MTERF4: variants seen among roughly 807,000 people sequenced by gnomAD.
MTERF4 encodes mitochondrial transcription termination factor 4, also known as transcription termination factor 4, mitochondrial.
Under a neutral mutation model 22.5 loss-of-function variants are expected in MTERF4, and 17 were observed. The observed-to-expected ratio is 0.75, with a 90% CI of 0.52 to 1.13. The LOEUF (loss-of-function observed/expected upper bound fraction) is 1.13, where lower values mean the gene tolerates loss of function less well. Among genes scored for constraint, MTERF4 ranks in the 50% most tolerant of loss-of-function variants. MTERF4 has a pLI of 0.00. For synonymous variants in MTERF4, 165 were observed against 175.3 expected (o/e 0.94, Z 0.47); for missense variants, 420 against 466.8 (o/e 0.90, Z 0.92).
chr2:241,058,185 A>G, the MTERF4 span, among the ~76,000 whole-genome samples: 3 of 152,212 alleles, frequency 2.0e-5, no homozygotes, highest in Non-Finnish European at 4.4e-5. Flanking sequence ...GAAAAGCATC[A>G]TTAAGAATGA....
At chr2:241,087,608 C>T (rs1385925122), downstream of MTERF4, 1 of 1,445,026 alleles carries the variant, frequency 6.9e-7, no homozygotes, top group African/African-American at 1.4e-5. Context: ...ATAGGCAGCC[C>T]CTGGGCAGCC....
downstream of MTERF4, chr2:241,095,091 G>A (rs1360364001): frequency 6.6e-6 from 1 of 150,856 alleles, no homozygotes; most frequent in Non-Finnish European, 1.5e-5. Flanking sequence ...CACCTTGGGG[G>A]GTCACGGATT....
At chr2:241,080,155 G>A (rs528182447) in intron 4 of MTERF4, among the ~76,000 whole-genome samples, 345 of 152,116 alleles carry the variant, frequency 2.3e-3, no homozygotes, top group Middle Eastern at 0.01. Flanking sequence ...ATGGTGGTGC[G>A]CGCCTGTAGT....
the MTERF4 span, chr2:241,063,539 G>C: frequency 7.9e-7 from 1 of 1,259,320 alleles, no homozygotes; most frequent in South Asian, 1.3e-5. Context: ...GCATGTGGGC[G>C]CCTCAGACTT....
rs2064604249 is a variant in MTERF4, at chr2:241,099,509, A to T, written c.407T>A (p.Leu136Gln). The T allele has an allele frequency of 6.2e-7, 1 of 1,614,112 alleles. No homozygotes were observed. Among genetic ancestry groups the T allele is most frequent in the Non-Finnish European group, 8.5e-7 (1 of 1,180,052 alleles). The change falls in exon 2 of 4, where the codon CTG (leucine) becomes CAG (glutamine). Residue 136 changes from leucine to glutamine, a missense_variant. Physicochemically the swap from Leu to Gln is moderately radical, Grantham distance 113. Transcript: ENST00000391980. The stretch of plus-strand genomic sequence containing the variant: ...GACCACACACACAGGCTCTGGATTC[A>T]GACCCAAGAGAATAAATTCTGAAAT... ...DIISEFILLG[L>Q]NPEPVCVVLK...
chr2:241,099,717 G>A lies in MTERF4; in HGVS notation c.199C>T (p.Pro67Ser), dbSNP rs1271048858. ...TGAACAAGATTCCTCCTGCACTCTG[G>A]TTCCTGCACATAGTTATTGGATCTA... ...CVRSNNYVQE[P>S]ECRRNLVQCL... The change falls in exon 2 of 4, where the codon CCA becomes TCA. Residue 67 changes from proline (P) to serine (S), a missense_variant. Physicochemically the swap from Pro to Ser is moderately conservative, Grantham distance 74. Transcript: ENST00000391980. 1 of 1,614,134 alleles carries A rather than the reference G, an allele frequency of 6.2e-7. No individual in the cohort carries two copies. Among genetic ancestry groups the A allele is most frequent in the Non-Finnish European group, 8.5e-7 (1 of 1,180,028 alleles).
At chr2:241,071,554 C>G (rs376668300), downstream of MTERF4, 18 of 1,571,376 alleles carry the variant, frequency 1.1e-5, no homozygotes, top group African/African-American at 2.3e-4. Context: ...AGACCAGCCC[C>G]TTCCTCCTGC....
Position 241,073,408 on chromosome 2 carries a change from C to A in MTERF4, n.2754G>T. 1 of 1,469,728 alleles carries A rather than the reference C, an allele frequency of 6.8e-7. No homozygotes were observed. The highest frequency in any genetic ancestry group is 9.3e-7 in the Non-Finnish European group (1 of 1,072,626). 91.0% of individuals were successfully genotyped at this position (1,469,728 alleles called of 1,614,324 possible). A position where few individuals can be genotyped will look rare whatever the true frequency, so the allele number is the denominator to read the frequency against. Reference sequence around the variant, plus strand: ...TGGGGACTTTGGGACTGACTGACTGCTCTCAGGGGCCTTAGAGGCTGCAGG... The same window carrying A: ...TGGGGACTTTGGGACTGACTGACTGATCTCAGGGGCCTTAGAGGCTGCAGG... On this transcript the variant is annotated non_coding_transcript_exon_variant, in exon 5 of 5. Coordinates refer to the MTERF4 transcript ENST00000464344. The surrounding 1 kb of genome is among the most constrained non-coding windows in gnomAD (Gnocchi z 6.6).
Position 241,073,055 on chromosome 2 carries a change from G to A in MTERF4, n.3107C>T, listed in dbSNP as rs555905188. On this transcript the variant is annotated non_coding_transcript_exon_variant, in exon 5 of 5. Coordinates refer to the MTERF4 transcript ENST00000464344. The surrounding 1 kb of genome is among the most constrained non-coding windows in gnomAD (Gnocchi z 6.6). ...GAGGGGGCCCTGCAAGGGGAAGGCCGAGCCCCTCCAGAGGGTCAGCAGGAG... is the reference window on the plus strand; with the variant it reads ...GAGGGGGCCCTGCAAGGGGAAGGCCAAGCCCCTCCAGAGGGTCAGCAGGAG... 25 of 551,686 alleles carry A rather than the reference G, an allele frequency of 4.5e-5. No individual in the cohort carries two copies. The highest frequency in any genetic ancestry group is 1.9e-4 in the African/African-American group (10 of 53,168). The allele number at this position is 551,686 out of a possible 1,614,324, so 34.2% of individuals were successfully genotyped here. A position where few individuals can be genotyped will look rare whatever the true frequency, so the allele number is the denominator to read the frequency against.
Position 241,073,854 on chromosome 2 carries a change from T to C in MTERF4, n.2308A>G. Reference sequence around the variant, plus strand: ...CCTGAACTGTCTCCTAGTCCGGGGCTCTGCCTCGTGAGGATCGAGGCCAGC... The same window carrying C: ...CCTGAACTGTCTCCTAGTCCGGGGCCCTGCCTCGTGAGGATCGAGGCCAGC... On this transcript the variant is annotated non_coding_transcript_exon_variant, in exon 5 of 5. Transcript: ENST00000464344. The surrounding 1 kb of genome is among the most constrained non-coding windows in gnomAD (Gnocchi z 6.6). The C allele has an allele frequency of 5.2e-6, 1 of 191,566 alleles. No homozygotes were observed. The allele number at this position is 191,566 out of a possible 1,614,324, so 11.9% of individuals were successfully genotyped here.
chr2:241,058,688 T>C, the MTERF4 span, among the ~76,000 whole-genome samples: 4,879 of 152,298 alleles, frequency 0.032, 369 homozygotes, highest in East Asian at 0.22. Context: ...CGGTGGCTCA[T>C]GCCTGTAATC....
the MTERF4 span, among the ~76,000 whole-genome samples, chr2:241,047,191 A>G: frequency 1.3e-5 from 2 of 151,694 alleles, no homozygotes; most frequent in East Asian, 3.9e-4. Flanking sequence ...AAACTAATCA[A>G]GATAATGCTG....
chr2:241,053,740 A>G, the MTERF4 span, among the ~76,000 whole-genome samples: 1 of 152,058 alleles, frequency 6.6e-6, no homozygotes, highest in Non-Finnish European at 1.5e-5. Context: ...CCCTGCAGGC[A>G]TTTGAGGAGT....
At chr2:241,046,002 G>A in the MTERF4 span, among the ~76,000 whole-genome samples, 1 of 152,100 alleles carries the variant, frequency 6.6e-6, no homozygotes, top group Admixed American at 6.5e-5. Context: ...CAAAAGACTT[G>A]AACGGATACT....
chr2:241,049,415 T>C, the MTERF4 span, among the ~76,000 whole-genome samples: 1 of 152,248 alleles, frequency 6.6e-6, no homozygotes, highest in Non-Finnish European at 1.5e-5. Flanking sequence ...ATTAAAATAT[T>C]TAATGCATAC....
At chr2:241,076,399 A>G (rs1429443951) in intron 4 of MTERF4, among the ~76,000 whole-genome samples, 1 of 152,230 alleles carries the variant, frequency 6.6e-6, no homozygotes, top group African/African-American at 2.4e-5. Flanking sequence ...ATACTAGTAT[A>G]TACTTTAAAA....
chr2:241,091,271 T>C (rs2063961337), downstream of MTERF4, among the ~76,000 whole-genome samples: 1 of 152,206 alleles, frequency 6.6e-6, no homozygotes, highest in Non-Finnish European at 1.5e-5. This position sits in a 1 kb window ranked among gnomAD's most constrained non-coding sequence, Gnocchi z 4.1. Flanking sequence ...CTGACACAGC[T>C]GTGCCCTTGG....
chr2:241,099,351 A>G (rs780112342), intron 2 of MTERF4, 45 bp downstream of exon 2: 3 of 1,573,638 alleles, frequency 1.9e-6, no homozygotes, highest in Non-Finnish European at 2.6e-6. Flanking sequence ...CTGGGATTAC[A>G]GGCATGAGCC....
At chr2:241,055,730 C>T in the MTERF4 span, among the ~76,000 whole-genome samples, 6 of 152,336 alleles carry the variant, frequency 3.9e-5, no homozygotes, top group South Asian at 8.3e-4. Context: ...TACCAGGTCT[C>T]ACCCACAGGA....
Sources: allele counts gnomAD v4.1 joint callset (sites outside exome capture counted in the v4.1 genomes callset), GRCh38; gene constraint gnomAD v4.1.1; non-coding constraint Gnocchi (gnomAD v3.1); transcripts MANE v1.5; gene names NCBI Gene and HGNC (gene_info 2026-07-23, HGNC 2026-07-21).